The following APLF variants were observed in gnomAD, a reference collection of about 807,000 sequenced individuals.
APLF encodes aprataxin and PNK-like factor.
APLF carries 61 observed loss-of-function variants against 55.6 expected under a neutral mutation model. The ratio of observed to expected loss-of-function variants is 1.10; its 90% CI spans 0.89 to 1.36. The LOEUF is 1.36. Ranked by LOEUF, APLF falls within the 40% of genes most tolerant of loss-of-function variation. APLF has a pLI of 0.00. For missense variants in APLF, 611 were observed against 602.5 expected (o/e 1.01, Z -0.15); for synonymous variants, 207 against 214.8 (o/e 0.96, Z 0.32).
In APLF at chr2:68,526,195, G is replaced by A. The variant is rs1422745694; in HGVS notation, c.757G>A (p.Glu253Lys). ...ENTSAEQDTG[E>K]ECKNTDQEES... is the part of the protein sequence containing the mutation. The stretch of plus-strand genomic sequence containing the variant: ...TACATCAGCAGAACAAGACACAGGA[G>A]AAGAGTGCAAAAATACTGATCAGGA... Residue 253 changes from glutamate (E) to lysine (K), a missense_variant, in exon 6 of 10, where the codon GAA (glutamate) becomes AAA (lysine). Glu to Lys is a moderately conservative substitution (Grantham distance 56). Transcript: ENST00000303795. 1 of 1,613,230 alleles carries A rather than the reference G, an allele frequency of 6.2e-7. No individual in the cohort carries two copies. Among genetic ancestry groups the A allele is most frequent in the African/African-American group, 1.3e-5 (1 of 74,876 alleles).
At position 68,499,515 on chromosome 2, in the gene APLF, G is replaced by T. The variant is rs142461871; in HGVS notation, c.169-3216G>T. 5.9e-3 allele frequency among the ~76,000 whole-genome samples: 893 copies of T among 152,256 alleles called. 3 individuals carry two copies. The highest frequency in any genetic ancestry group is 0.01 in the Non-Finnish European group (700 of 68,018). On this transcript the variant is annotated intron_variant, in intron 2 of 9. Transcript: ENST00000303795. ...TTGATTGTACTTCTGAAATATTACA[G>T]GTCCAATTCAATCTCCTTTCTCTAA... is the stretch of plus-strand genomic sequence containing the variant.
chr2:68,488,514 A>G (rs1676257694), intron 1 of APLF, among the ~76,000 whole-genome samples: 1 of 151,562 alleles, frequency 6.6e-6, no homozygotes, highest in African/African-American at 2.4e-5. Flanking sequence ...TTTTTACTTT[A>G]TGTAGAGATG....
chr2:68,509,198 A>G (rs1676967129), intron 3 of APLF, among the ~76,000 whole-genome samples: 1 of 152,184 alleles, frequency 6.6e-6, no homozygotes, highest in Admixed American at 6.6e-5. Flanking sequence ...AAGCAATGGT[A>G]ACAAAAGCCA....
At chr2:68,474,085 TA>T (rs1243830676) in intron 1 of APLF, among the ~76,000 whole-genome samples, 1 of 152,202 alleles carries the variant, frequency 6.6e-6, no homozygotes, top group African/African-American at 2.4e-5. Context: ...TGGTTTGTTA[TA>T]AGGGATATGA....
intron 7 of APLF, among the ~76,000 whole-genome samples, chr2:68,539,493 T>C (rs955329315): frequency 1.3e-5 from 2 of 152,190 alleles, no homozygotes; most frequent in Non-Finnish European, 2.9e-5. Context: ...ACACCAGTTA[T>C]ATTAGGTTGG....
chr2:68,570,107 A>G (rs1341534009), intron 9 of APLF, among the ~76,000 whole-genome samples: 1 of 151,972 alleles, frequency 6.6e-6, no homozygotes, highest in African/African-American at 2.4e-5. Flanking sequence ...AACAGTTTAT[A>G]TAGTGCATTC....
chr2:68,516,997 T>C (rs1313249696), intron 5 of APLF, among the ~76,000 whole-genome samples: 1 of 124,772 alleles, frequency 8.0e-6, no homozygotes, highest in African/African-American at 3.1e-5. Context: ...TATAATAATA[T>C]ATGTTAATAT....
rs542419083 is a variant in APLF at position 68,523,984 on chromosome 2, A to AAT, written c.623-2068_623-2067dup. Among the ~76,000 whole-genome samples, 682 of 151,824 alleles carry AAT rather than the reference A, an allele frequency of 4.5e-3. 4 individuals carry two copies. Among genetic ancestry groups the AAT allele is most frequent in the African/African-American group, 0.016 (653 of 41,368 alleles). Reference sequence around the variant, plus strand: ...AGTTTTGAAAAACTTGAGTATTTTAAATATATATATTTTTTAATTTTAGAA... The same window carrying AAT: ...AGTTTTGAAAAACTTGAGTATTTTAAATATATATATATTTTTTAATTTTAGAA... On this transcript the variant is annotated intron_variant, in intron 5 of 9. Transcript: ENST00000303795.
At chr2:68,547,673 A>G (rs190895861) in intron 8 of APLF, among the ~76,000 whole-genome samples, 10 of 151,980 alleles carry the variant, frequency 6.6e-5, no homozygotes, top group Non-Finnish European at 1.3e-4. Context: ...TGACCCTTAT[A>G]TCACACCATA....
intron 8 of APLF, among the ~76,000 whole-genome samples, chr2:68,548,747 TA>T (rs980841762): frequency 1.3e-4 from 20 of 151,260 alleles, no homozygotes; most frequent in Non-Finnish European, 2.4e-4. Context: ...TTTCATTTGT[TA>T]AAAAAAAACT....
rs1364007232 is a variant in APLF, at chr2:68,529,951, G to T, written c.804+3709G>T. Among the ~76,000 whole-genome samples the T allele has an allele frequency of 3.9e-5, 6 of 152,206 alleles. No homozygotes were observed. The highest frequency in any genetic ancestry group is 1.5e-5 in the Non-Finnish European group (1 of 68,020). ...GGGGCCTCTCCAGTGCCTCTGTGCC[G>T]CCTGGAGCCAGGCCCGCCTTCTCCA... On this transcript the variant is annotated intron_variant, in intron 6 of 9. Coordinates refer to ENST00000303795, the MANE Select transcript of APLF (RefSeq NM_173545.3). The surrounding 1 kb of genome is among the most constrained non-coding windows in gnomAD (Gnocchi z 4.4).
intron 5 of APLF, chr2:68,515,774 T>G: frequency 1.0e-6 from 1 of 966,234 alleles, no homozygotes; most frequent in Non-Finnish European, 1.2e-6. Flanking sequence ...GGAGAAGTAC[T>G]TTATAAGAAC....
At chr2:68,521,274 G>A (rs80157038) in intron 5 of APLF, among the ~76,000 whole-genome samples, 194 of 151,600 alleles carry the variant, frequency 1.3e-3, no homozygotes, top group African/African-American at 4.5e-3. Context: ...TGATTATATC[G>A]TTGGCAAATG....
intron 8 of APLF, among the ~76,000 whole-genome samples, chr2:68,547,937 A>T (rs185420169): frequency 6.6e-6 from 1 of 151,954 alleles, no homozygotes; most frequent in Admixed American, 6.6e-5. Flanking sequence ...GACTTACATT[A>T]GATAGATGTT....
intron 7 of APLF, among the ~76,000 whole-genome samples, chr2:68,541,904 A>G (rs530826115): frequency 6.6e-6 from 1 of 152,342 alleles, no homozygotes; most frequent in African/African-American, 2.4e-5. Context: ...ACAAAGCCAC[A>G]GTAATCCAAA....
intron 4 of APLF, 83 bp downstream of exon 4, chr2:68,513,310 A>C: frequency 2.8e-6 from 4 of 1,440,268 alleles, no homozygotes; most frequent in Non-Finnish European, 3.7e-6. Context: ...AATTAGGCCT[A>C]TTATGACAAT....
Position 68,526,136 on chromosome 2 carries a change from GA to G in APLF, c.700del (p.Arg234GlyfsTer3), listed in dbSNP as rs1412974276. On this transcript the variant is annotated frameshift_variant, in exon 6 of 10. Transcript: ENST00000303795. LOFTEE classifies it high-confidence loss of function. Reference protein sequence around the residue: ...KSQLNTTQQGRRQLISSGSSE... With the variant: ...KSQLNTTQQGXRQLISSGSSE... Reference sequence around the variant, plus strand: ...CAGCTAAACACAACCCAGCAAGGAAGAAGGCAATTAATTTCATCAGGAAGTT... The same window carrying G: ...CAGCTAAACACAACCCAGCAAGGAAGAGGCAATTAATTTCATCAGGAAGTT... 6.2e-7 allele frequency: 1 copy of G among 1,613,862 alleles called. No homozygotes were observed. Among genetic ancestry groups the G allele is most frequent in the Non-Finnish European group, 8.5e-7 (1 of 1,180,000 alleles).
rs1352094848 is a variant in APLF at position 68,568,357 on chromosome 2, G to A, written c.1333+970G>A. 1.0e-5 allele frequency: 10 copies of A among 964,714 alleles called. No homozygotes were observed. The African/African-American group carries it at 1.6e-4, about 15-fold the overall frequency. 59.8% of individuals were successfully genotyped at this position (964,714 alleles called of 1,614,324 possible). On this transcript the variant is annotated intron_variant, in intron 9 of 9. Coordinates refer to ENST00000303795, the MANE Select transcript of APLF (RefSeq NM_173545.3). The stretch of plus-strand genomic sequence containing the variant: ...ACAGCTGACTTGTAATCAAGTAAGT[G>A]ATGAAAGTAAATGATTTCACTGTAA...
chr2:68,535,943 A>G (rs10172469), intron 6 of APLF, among the ~76,000 whole-genome samples: 14,415 of 152,214 alleles, frequency 0.095, 824 homozygotes, highest in African/African-American at 0.15. Context: ...GCTTGGAAAT[A>G]CCAGCAGGAA....
Sources: allele counts gnomAD v4.1 joint callset (sites outside exome capture counted in the v4.1 genomes callset), GRCh38; gene constraint gnomAD v4.1.1; non-coding constraint Gnocchi (gnomAD v3.1); transcripts MANE v1.5; gene names NCBI Gene and HGNC (gene_info 2026-07-23, HGNC 2026-07-21).